The following KIAA0825 variants were observed in gnomAD, a reference collection of about 807,000 sequenced individuals.
KIAA0825 encodes KIAA0825.
A neutral mutation model predicts 147.6 loss-of-function variants in KIAA0825; 119 were observed. The observed-to-expected ratio is 0.81, with a 90% confidence interval of 0.69 to 0.94. The LOEUF (loss-of-function observed/expected upper bound fraction) is 0.94, where lower values mean the gene tolerates loss of function less well. Ranked by LOEUF, KIAA0825 falls within the 40% of genes least tolerant of loss-of-function variation. The pLI, the probability that KIAA0825 is intolerant of heterozygous loss-of-function variation, is 0.00. For synonymous variants in KIAA0825, 470 were observed against 518.1 expected, an observed-to-expected ratio of 0.91 and a Z score of 1.26; for missense variants, 1,381 against 1,472.7, an observed-to-expected ratio of 0.94 and a Z score of 1.02.
At chr5:94,298,125 T>C (rs777626670) in intron 20 of KIAA0825, among the ~76,000 whole-genome samples, 4 of 151,540 alleles carry the variant, frequency 2.6e-5, no homozygotes, top group Non-Finnish European at 5.9e-5. Context: ...TGGGCACCTG[T>C]AATCCCAGCT....
At chr5:94,598,943 G>A (rs1344315573) in intron 1 of KIAA0825, among the ~76,000 whole-genome samples, 1 of 152,064 alleles carries the variant, frequency 6.6e-6, no homozygotes, top group Non-Finnish European at 1.5e-5. Context: ...TGGGGGTGAA[G>A]GTATTTCATC....
At chr5:94,613,930 TGTAA>T (rs1358605999) in intron 1 of KIAA0825, among the ~76,000 whole-genome samples, 2 of 152,254 alleles carry the variant, frequency 1.3e-5, no homozygotes, top group South Asian at 2.1e-4. Context: ...TGGCAATACA[TGTAA>T]GTATTATATG....
chr5:94,229,617 C>T (rs980103395), intron 20 of KIAA0825, among the ~76,000 whole-genome samples: 1 of 151,116 alleles, frequency 6.6e-6, no homozygotes, highest in Non-Finnish European at 1.5e-5. Context: ...GAAGACATCT[C>T]GAATTGTTAT....
At chr5:94,408,524 T>C (rs565017236) in intron 15 of KIAA0825, among the ~76,000 whole-genome samples, 1 of 141,534 alleles carries the variant, frequency 7.1e-6, no homozygotes, top group African/African-American at 3.1e-5. Flanking sequence ...TTTGTGTGTG[T>C]GTGTGTGTGT....
At chr5:94,289,535 G>GAAAAAAAAAAAAAAAAAAAAAGA (rs540467740) in intron 20 of KIAA0825, among the ~76,000 whole-genome samples, 1 of 100,736 alleles carries the variant, frequency 9.9e-6, no homozygotes, top group African/African-American at 3.6e-5. Context: ...ACTCCATCTG[G>GAAAAAAAAAAAAAAAAAAAAAGA]AAAAAAAAAA....
At chr5:94,380,851 C>T (rs141694587) in intron 20 of KIAA0825, among the ~76,000 whole-genome samples, 242 of 152,278 alleles carry the variant, frequency 1.6e-3, no homozygotes, top group African/African-American at 5.3e-3. Flanking sequence ...AGATAGTGAG[C>T]GAAGAACACA....
At chr5:94,588,993 G>C (rs1484076307) in intron 1 of KIAA0825, among the ~76,000 whole-genome samples, 1 of 152,114 alleles carries the variant, frequency 6.6e-6, no homozygotes, top group Non-Finnish European at 1.5e-5. Context: ...ACACAGGGAG[G>C]GGAACATCAC....
chr5:94,304,515 C>T (rs1415786940), intron 20 of KIAA0825, among the ~76,000 whole-genome samples: 5 of 151,902 alleles, frequency 3.3e-5, no homozygotes, highest in Non-Finnish European at 7.4e-5. Context: ...GAAGACTCGC[C>T]GAATCTCATT....
intron 1 of KIAA0825, among the ~76,000 whole-genome samples, chr5:94,588,993 G>A (rs1484076307): frequency 2.0e-5 from 3 of 152,114 alleles, no homozygotes; most frequent in Admixed American, 6.5e-5. Context: ...ACACAGGGAG[G>A]GGAACATCAC....
chr5:94,611,136 A>T (rs912022669), intron 1 of KIAA0825, among the ~76,000 whole-genome samples: 2 of 152,110 alleles, frequency 1.3e-5, no homozygotes, highest in Non-Finnish European at 2.9e-5. Context: ...ATATCACCCA[A>T]CTGGAATAAC....
chr5:94,467,885 A>T (rs914662153), intron 10 of KIAA0825, among the ~76,000 whole-genome samples: 5 of 152,240 alleles, frequency 3.3e-5, no homozygotes, highest in Non-Finnish European at 7.3e-5. Context: ...GGGTGCAGTA[A>T]GCAAGATAAA....
chr5:94,214,757 ACTGTGAC>A (rs1459425041), intron 20 of KIAA0825, among the ~76,000 whole-genome samples: 19 of 152,238 alleles, frequency 1.2e-4, no homozygotes, highest in Admixed American at 1.2e-3. Context: ...TACTTGAGTA[ACTGTGAC>A]CAGTTACTGA....
chr5:94,369,561 C>G lies in KIAA0825; in HGVS notation c.3710+14807G>C, dbSNP rs554598821. Among the ~76,000 whole-genome samples the G allele has an allele frequency of 2.3e-3, 351 of 152,152 alleles. 2 individuals are homozygous for G. The highest frequency in any genetic ancestry group is 8.2e-3 in the African/African-American group (342 of 41,528). Reference sequence around the variant, plus strand: ...GAATGAGAGGATTGAGGCTAAGAAGCCTTTAGCAATGTCTGAGGAAAGAAG... The same window carrying G: ...GAATGAGAGGATTGAGGCTAAGAAGGCTTTAGCAATGTCTGAGGAAAGAAG... On this transcript the variant is annotated intron_variant, in intron 20 of 20. Coordinates refer to ENST00000682413, the MANE Select transcript of KIAA0825 (RefSeq NM_001145678.3).
intron 20 of KIAA0825, among the ~76,000 whole-genome samples, chr5:94,164,859 C>A (rs1767895257): frequency 6.6e-6 from 1 of 152,054 alleles, no homozygotes; most frequent in South Asian, 2.1e-4. Context: ...AAAATCAAAT[C>A]AAAATGGATT....
intron 2 of KIAA0825, among the ~76,000 whole-genome samples, chr5:94,565,907 T>C (rs1393378983): frequency 6.6e-6 from 1 of 152,214 alleles, no homozygotes; most frequent in Non-Finnish European, 1.5e-5. Flanking sequence ...TGAAACTTTA[T>C]CCTTTGACCC....
chr5:94,225,687 C>T (rs1429405233), intron 20 of KIAA0825, among the ~76,000 whole-genome samples: 1 of 152,196 alleles, frequency 6.6e-6, no homozygotes, highest in Non-Finnish European at 1.5e-5. Flanking sequence ...TGATCTTGGA[C>T]TTGCCAGCCT....
intron 20 of KIAA0825, among the ~76,000 whole-genome samples, chr5:94,270,117 C>T (rs953979892): frequency 1.6e-4 from 25 of 151,840 alleles, no homozygotes; most frequent in African/African-American, 6.0e-4. Context: ...AAACCTGAAC[C>T]GAACAATAGT....
intron 20 of KIAA0825, among the ~76,000 whole-genome samples, chr5:94,288,614 C>T (rs575930557): frequency 9.2e-5 from 14 of 152,218 alleles, no homozygotes; most frequent in African/African-American, 3.4e-4. Flanking sequence ...GAGATGCTTT[C>T]CTATTTTTCT....
At chr5:94,231,694 T>G (rs1774712586) in intron 20 of KIAA0825, among the ~76,000 whole-genome samples, 1 of 152,154 alleles carries the variant, frequency 6.6e-6, no homozygotes, top group South Asian at 2.1e-4. Flanking sequence ...TCATTACGTA[T>G]CTGGATGGAT....
Sources: gnomAD v4.1 joint callset for allele counts (sites outside exome capture counted in the v4.1 genomes callset) on GRCh38, gnomAD v4.1.1 for gene constraint, MANE v1.5 for transcripts, NCBI Gene and HGNC (gene_info 2026-07-23, HGNC 2026-07-21) for gene names.